The following ELOVL5 variants were observed in gnomAD, a reference collection of about 807,000 sequenced individuals.
ELOVL5 encodes very long chain fatty acid elongase 5.
A neutral mutation model predicts 38.6 loss-of-function variants in ELOVL5; 8 were observed. The observed-to-expected ratio is 0.21, with a 90% CI of 0.12 to 0.37. ELOVL5 has a LOEUF of 0.37. Among genes scored for constraint, ELOVL5 ranks in the 10% least tolerant of loss-of-function variants. The probability of loss-of-function intolerance (pLI) is 1.00; values close to 1 mark genes in which losing one functional copy is unlikely to be tolerated. For missense variants in ELOVL5, 280 were observed against 367.8 expected (o/e 0.76, Z 1.95); for synonymous variants, 127 against 133.7 (o/e 0.95, Z 0.34).
chr6:53,340,709 TG>T (rs1290499713), intron 1 of ELOVL5, among the ~76,000 whole-genome samples: 13 of 152,244 alleles, frequency 8.5e-5, no homozygotes, highest in African/African-American at 3.1e-4. Context: ...ATATGCCCTA[TG>T]TATGTGGTAA....
At chr6:53,346,310 T>C (rs150655732) in intron 1 of ELOVL5, among the ~76,000 whole-genome samples, 11 of 152,290 alleles carry the variant, frequency 7.2e-5, no homozygotes, top group East Asian at 1.9e-4. Flanking sequence ...CAGTCTATCA[T>C]TGATGGGCAT....
intron 1 of ELOVL5, among the ~76,000 whole-genome samples, chr6:53,305,525 G>C (rs1434814289): frequency 2.0e-5 from 3 of 150,318 alleles, no homozygotes; most frequent in Non-Finnish European, 3.0e-5. Context: ...CTTCTCAGAC[G>C]GGGCGGCCGG....
intron 1 of ELOVL5, among the ~76,000 whole-genome samples, chr6:53,322,340 G>A (rs1046210095): frequency 2.6e-5 from 4 of 152,058 alleles, no homozygotes; most frequent in African/African-American, 9.7e-5. Flanking sequence ...TATATACAAC[G>A]TTTCGCAGAA....
At chr6:53,328,605 G>A (rs1768651755) in intron 1 of ELOVL5, among the ~76,000 whole-genome samples, 3 of 151,948 alleles carry the variant, frequency 2.0e-5, no homozygotes, top group Admixed American at 2.0e-4. Context: ...TTAAAACAAA[G>A]GCATTATCCA....
At chr6:53,281,170 A>G (rs1286283635) in intron 3 of ELOVL5, among the ~76,000 whole-genome samples, 1 of 152,202 alleles carries the variant, frequency 6.6e-6, no homozygotes, top group African/African-American at 2.4e-5. Context: ...TTCTGGTGAT[A>G]AGAGCTTGAT....
At chr6:53,289,690 A>G (rs1766701520) in intron 3 of ELOVL5, among the ~76,000 whole-genome samples, 1 of 152,272 alleles carries the variant, frequency 6.6e-6, no homozygotes, top group African/African-American at 2.4e-5. Context: ...ACTGCACTCC[A>G]GCCTGGGCGA....
intron 1 of ELOVL5, among the ~76,000 whole-genome samples, chr6:53,330,517 CTT>C (rs757160862): frequency 1.1e-4 from 10 of 91,420 alleles, no homozygotes; most frequent in East Asian, 7.5e-4. Context: ...TCTTTATAAA[CTT>C]TTTTTTTTTT....
At chr6:53,297,274 A>C (rs762383750) in intron 1 of ELOVL5, among the ~76,000 whole-genome samples, 1 of 152,232 alleles carries the variant, frequency 6.6e-6, no homozygotes, top group South Asian at 2.1e-4. Context: ...CCAACAATTA[A>C]GATTTTAACA....
At chr6:53,317,606 G>T (rs1386123970) in intron 1 of ELOVL5, among the ~76,000 whole-genome samples, 2 of 151,942 alleles carry the variant, frequency 1.3e-5, no homozygotes, top group East Asian at 3.9e-4. Context: ...AGAACACATG[G>T]ACATAGGAAG....
chr6:53,333,314 G>C (rs371842838), intron 1 of ELOVL5, among the ~76,000 whole-genome samples: 4 of 152,300 alleles, frequency 2.6e-5, no homozygotes, highest in African/African-American at 4.8e-5. Context: ...CAAAATGCTT[G>C]CTGTTTGCTT....
At chr6:53,291,017 T>C (rs1443448726) in intron 3 of ELOVL5, among the ~76,000 whole-genome samples, 4 of 152,206 alleles carry the variant, frequency 2.6e-5, no homozygotes, top group African/African-American at 9.6e-5. Flanking sequence ...GTGGGTAGGC[T>C]TTCCTGGAAA....
Position 53,321,333 on chromosome 6 carries a change from A to C in ELOVL5, c.-8-25626T>G, listed in dbSNP as rs373523067. 3.3e-5 allele frequency among the ~76,000 whole-genome samples: 5 copies of C among 152,372 alleles called. 1 individual carries two copies. Among genetic ancestry groups the C allele is most frequent in the African/African-American group, 1.2e-4 (5 of 41,592 alleles). On this transcript the variant is annotated intron_variant, in intron 1 of 7. Coordinates refer to ENST00000304434, the MANE Select transcript of ELOVL5 (RefSeq NM_021814.5). The stretch of plus-strand genomic sequence containing the variant: ...TTCTGCATTTGGATCATTTACCTGC[A>C]TGAAGGCTGCCAGCAATCATTTTCA...
chr6:53,317,342 C>T (rs1768091635), intron 1 of ELOVL5, among the ~76,000 whole-genome samples: 1 of 152,196 alleles, frequency 6.6e-6, no homozygotes, highest in Non-Finnish European at 1.5e-5. Flanking sequence ...GACACATGCA[C>T]ACGTATGTTT....
chr6:53,339,747 G>C (rs667537), intron 1 of ELOVL5, among the ~76,000 whole-genome samples: 140,204 of 152,326 alleles, frequency 0.92, 64,856 homozygotes, highest in African/African-American at 0.98. Flanking sequence ...TGATGATAAA[G>C]AACTATGTCA....
intron 1 of ELOVL5, among the ~76,000 whole-genome samples, chr6:53,308,360 TCTTC>T (rs1767688625): frequency 6.6e-6 from 1 of 152,214 alleles, no homozygotes; most frequent in African/African-American, 2.4e-5. Context: ...GGCTCTAAGC[TCTTC>T]AACGGCAGAA....
intron 7 of ELOVL5, 96 bp from the exon 8 acceptor site, chr6:53,269,366 C>T (rs1581913371): frequency 2.1e-6 from 2 of 962,200 alleles, no homozygotes; most frequent in Non-Finnish European, 2.9e-6. Context: ...GGCCTAGTTT[C>T]AAGATCAAAT....
At chr6:53,344,198 T>C (rs572476269) in intron 1 of ELOVL5, among the ~76,000 whole-genome samples, 1 of 152,334 alleles carries the variant, frequency 6.6e-6, no homozygotes, top group East Asian at 1.9e-4. Context: ...AGTCTGGATA[T>C]CTATCTAGGC....
chr6:53,319,127 TG>T (rs1768175597), intron 1 of ELOVL5, among the ~76,000 whole-genome samples: 1 of 151,416 alleles, frequency 6.6e-6, no homozygotes, highest in African/African-American at 2.4e-5. Context: ...AAAAATTAGC[TG>T]GGCGCAGTAG....
At chr6:53,326,991 A>G (rs1768576203) in intron 1 of ELOVL5, among the ~76,000 whole-genome samples, 1 of 152,196 alleles carries the variant, frequency 6.6e-6, no homozygotes, top group Non-Finnish European at 1.5e-5. Context: ...GTTATGGGTG[A>G]CGCTGACCTA....
Sources: gnomAD v4.1 joint callset for allele counts (sites outside exome capture counted in the v4.1 genomes callset) on GRCh38, gnomAD v4.1.1 for gene constraint, MANE v1.5 for transcripts, NCBI Gene and HGNC (gene_info 2026-07-23, HGNC 2026-07-21) for gene names.